The following TMLHE variants were observed in gnomAD, a reference collection of about 807,000 sequenced individuals.
TMLHE encodes trimethyllysine hydroxylase, epsilon, also known as trimethyllysine dioxygenase, mitochondrial.
TMLHE carries 18 observed loss-of-function variants against 25.7 expected under a neutral mutation model. That is an observed-to-expected ratio of 0.70 (90% CI 0.48 to 1.04). TMLHE has a LOEUF of 1.04. Ranked by LOEUF, TMLHE falls within the 50% of genes least tolerant of loss-of-function variation. TMLHE has a pLI of 0.00. For missense variants in TMLHE, 236 were observed against 259.0 expected, an observed-to-expected ratio of 0.91 and a Z score of 0.61; for synonymous variants, 105 against 97.0, an observed-to-expected ratio of 1.08 and a Z score of -0.49.
intron 1 of TMLHE, among the ~76,000 whole-genome samples, chrX:155,610,602 G>A (rs1557348223): frequency 9.0e-6 from 1 of 110,893 alleles, no homozygotes; most frequent in East Asian, 2.8e-4. Context: ...TGTTGCTGTG[G>A]TGGTGGTGGG....
At chrX:155,598,679 G>A (rs1417563594) in intron 1 of TMLHE, among the ~76,000 whole-genome samples, 1 of 109,737 alleles carries the variant, frequency 9.1e-6, no homozygotes, top group Non-Finnish European at 1.9e-5. Context: ...CTGTGCACAT[G>A]TACCCTAAAA....
Position 155,564,340 on chromosome X carries a change from T to C in TMLHE, c.-1-19063A>G, listed in dbSNP as rs1557342030. 3.2e-5 allele frequency among the ~76,000 whole-genome samples: 2 copies of C among 61,921 alleles called. 1 individual carries two copies. 53.8% of individuals were successfully genotyped at this position (61,921 alleles called of 115,157 possible). A position where few individuals can be genotyped will look rare whatever the true frequency, so the allele number is the denominator to read the frequency against. On this transcript the variant is annotated intron_variant, in intron 1 of 7. Transcript: ENST00000334398. The stretch of plus-strand genomic sequence containing the variant: ...CAAGTAATTTACTGGGGAAAAGATA[T>C]GTGAGGGGAAGTGGGAAGAGTGTCT...
intron 6 of TMLHE, among the ~76,000 whole-genome samples, chrX:155,504,496 T>TGG (rs1200642655): frequency 9.5e-6 from 1 of 104,892 alleles, no homozygotes; most frequent in Non-Finnish European, 2.0e-5. Context: ...AATGAGTGAG[T>TGG]TCTCCCTCTG....
intron 2 of TMLHE, among the ~76,000 whole-genome samples, chrX:155,543,276 T>C (rs1187580436): frequency 9.0e-6 from 1 of 111,494 alleles, no homozygotes; most frequent in Non-Finnish European, 1.9e-5. Context: ...TGTTCACTGA[T>C]GAAATAATCT....
At chrX:155,609,392 G>A (rs2067806051) in intron 1 of TMLHE, among the ~76,000 whole-genome samples, 1 of 111,349 alleles carries the variant, frequency 9.0e-6, no homozygotes, top group African/African-American at 3.3e-5. Context: ...ACTTGAGGAT[G>A]GAGATTGGGA....
chrX:155,541,209 T>A (rs2067308878), intron 2 of TMLHE, among the ~76,000 whole-genome samples: 1 of 110,581 alleles, frequency 9.0e-6, no homozygotes, highest in Non-Finnish European at 1.9e-5. Flanking sequence ...CCCCACTCCC[T>A]GACAGGCCCC....
At position 155,511,799 on chromosome X, in the gene TMLHE, G is replaced by C. The variant is rs1484843065; in HGVS notation, c.639-7C>G. ...CCTCCCATAAATGGTTTCTCTGTTA[G>C]TTGAAATAAAGAAAGACCTGTTAGC... is the stretch of plus-strand genomic sequence containing the variant. On this transcript the variant is annotated splice_polypyrimidine_tract_variant and splice_region_variant and intron_variant, in intron 4 of 7. Coordinates refer to ENST00000334398, the MANE Select transcript of TMLHE (RefSeq NM_018196.4). 1.7e-6 allele frequency: 2 copies of C among 1,151,107 alleles called. No homozygotes were observed. The highest frequency in any genetic ancestry group is 2.3e-6 in the Non-Finnish European group (2 of 857,480). The allele number at this position is 1,151,107 out of a possible 1,213,427, so 94.9% of individuals were successfully genotyped here.
chrX:155,548,545 C>A (rs1225447127), intron 1 of TMLHE, among the ~76,000 whole-genome samples: 4 of 107,421 alleles, frequency 3.7e-5, no homozygotes, highest in African/African-American at 1.1e-4. Flanking sequence ...GCCAGCCTGA[C>A]TAACATGGTG....
chrX:155,545,607 C>A (rs1465116452), intron 1 of TMLHE, among the ~76,000 whole-genome samples: 1 of 112,122 alleles, frequency 8.9e-6, no homozygotes, highest in Non-Finnish European at 1.9e-5. Flanking sequence ...TAACAGACCA[C>A]ATATATGATG....
intron 1 of TMLHE, among the ~76,000 whole-genome samples, chrX:155,572,016 A>C (rs1557343255): frequency 1.9e-5 from 1 of 53,594 alleles, no homozygotes; most frequent in African/African-American, 4.6e-5. Flanking sequence ...AATAAAGGCT[A>C]TTCAATTAGG....
At chrX:155,547,283 T>G (rs782733338) in intron 1 of TMLHE, among the ~76,000 whole-genome samples, 4 of 88,302 alleles carry the variant, frequency 4.5e-5, no homozygotes, top group Non-Finnish European at 9.3e-5. Flanking sequence ...TAGCTGGGAC[T>G]ACAGGCACCT....
At chrX:155,557,090 C>A (rs186069084) in intron 1 of TMLHE, among the ~76,000 whole-genome samples, 1,655 of 111,763 alleles carry the variant, frequency 0.015, 22 homozygotes, top group African/African-American at 0.049. Context: ...AACACACATG[C>A]TGTACAATTT....
intron 1 of TMLHE, among the ~76,000 whole-genome samples, chrX:155,549,351 T>C (rs1461848141): frequency 9.0e-6 from 1 of 110,734 alleles, no homozygotes; most frequent in Non-Finnish European, 1.9e-5. Context: ...GCCATGTTTT[T>C]GGATTTTTTT....
intron 1 of TMLHE, among the ~76,000 whole-genome samples, chrX:155,554,091 C>A (rs782427896): frequency 9.1e-6 from 1 of 109,856 alleles, no homozygotes; most frequent in Admixed American, 9.7e-5. Flanking sequence ...ACTGCAGCTT[C>A]AAACTCCTGG....
chrX:155,610,758 A>G (rs1414740632), intron 1 of TMLHE, among the ~76,000 whole-genome samples: 1 of 111,552 alleles, frequency 9.0e-6, no homozygotes, highest in Non-Finnish European at 1.9e-5. Flanking sequence ...TTTTTAAAAT[A>G]TTCAGGATGT....
At chrX:155,599,096 CTGTT>C (rs2067741477) in intron 1 of TMLHE, among the ~76,000 whole-genome samples, 1 of 111,431 alleles carries the variant, frequency 9.0e-6, no homozygotes, top group African/African-American at 3.3e-5. Context: ...TGTTAATTGA[CTGTT>C]TATGTTATCA....
chrX:155,523,833 C>T (rs2067203024), intron 3 of TMLHE, among the ~76,000 whole-genome samples: 1 of 112,063 alleles, frequency 8.9e-6, no homozygotes, highest in African/African-American at 3.2e-5. Flanking sequence ...TTTCTTTCAT[C>T]AGCATTTAAT....
chrX:155,610,455 T>A (rs1191980691), intron 1 of TMLHE, among the ~76,000 whole-genome samples: 3 of 111,932 alleles, frequency 2.7e-5, no homozygotes, highest in Admixed American at 1.9e-4. Flanking sequence ...ACTTTAAATA[T>A]GCAAATTTTA....
At chrX:155,594,157 C>T (rs898678570) in intron 1 of TMLHE, among the ~76,000 whole-genome samples, 3 of 111,142 alleles carry the variant, frequency 2.7e-5, no homozygotes, top group South Asian at 3.8e-4. Flanking sequence ...TGTCAAAATT[C>T]GAAGACAAAT....
Sources: gnomAD v4.1 joint callset for allele counts (sites outside exome capture counted in the v4.1 genomes callset) on GRCh38, gnomAD v4.1.1 for gene constraint, MANE v1.5 for transcripts, NCBI Gene and HGNC (gene_info 2026-07-23, HGNC 2026-07-21) for gene names.